The following ZNF439 variants were observed in gnomAD, a reference collection of about 807,000 sequenced individuals.
ZNF439 encodes the protein zinc finger protein 439.
Under a neutral mutation model 47.3 loss-of-function variants are expected in ZNF439, and 40 were observed. That is an observed-to-expected ratio of 0.85 (90% CI 0.66 to 1.10). The LOEUF is 1.10. ZNF439 is among the 50% of genes least tolerant of loss of function. The pLI is 0.00. For synonymous variants in ZNF439, 171 were observed against 198.8 expected, an observed-to-expected ratio of 0.86 and a Z score of 1.18; for missense variants, 556 against 601.1, an observed-to-expected ratio of 0.93 and a Z score of 0.78.
Position 11,868,719 on chromosome 19 carries a change from G to GT in ZNF439, c.*150_*151insT. 1.2e-6 allele frequency: 1 copy of GT among 867,722 alleles called. No individual in the cohort carries two copies. Among genetic ancestry groups the GT allele is most frequent in the Non-Finnish European group, 1.8e-6 (1 of 543,222 alleles). 53.8% of individuals were successfully genotyped at this position (867,722 alleles called of 1,614,324 possible). ...TTCGATATCTAAAAGGACTCACAGT[G>GT]GAGAAAAACTCTATGAGTGTAAGCA... is the stretch of plus-strand genomic sequence containing the variant. On this transcript the variant is annotated 3_prime_UTR_variant, in exon 4 of 4. Transcript: ENST00000682736.
intron 1 of ZNF439, among the ~76,000 whole-genome samples, chr19:11,862,721 G>T (rs1056820987): frequency 2.6e-5 from 4 of 151,688 alleles, no homozygotes; most frequent in African/African-American, 9.7e-5. Flanking sequence ...GGTATTTACT[G>T]TTACCTCATT....
chr19:11,852,402 G>T (rs893307770), intron 1 of ZNF439, among the ~76,000 whole-genome samples: 1 of 152,238 alleles, frequency 6.6e-6, no homozygotes, highest in East Asian at 1.9e-4. Flanking sequence ...AGGTGTTCCA[G>T]CTGGCTATTT....
chr19:11,857,493 C>T lies in ZNF439; in HGVS notation c.63+8563C>T, dbSNP rs141723349. 2.3e-4 allele frequency: 35 copies of T among 152,336 alleles called. No homozygotes were observed. In the East Asian group the frequency reaches 5.2e-3, roughly 23 times the overall value. The allele number at this position is 152,336 out of a possible 1,614,324, so 9.4% of individuals were successfully genotyped here. A position where few individuals can be genotyped will look rare whatever the true frequency, so the allele number is the denominator to read the frequency against. On this transcript the variant is annotated intron_variant, in intron 1 of 3. Coordinates refer to ENST00000682736, the MANE Select transcript of ZNF439 (RefSeq NM_001348719.2). ...TTACTGATACAGACTTGTCTAAGCA[C>T]TGGCCCAGGAGTCCTGTTGGAGAAT...
intron 1 of ZNF439, chr19:11,849,168 G>A (rs1233633595): frequency 2.8e-6 from 3 of 1,083,246 alleles, no homozygotes; most frequent in African/African-American, 1.7e-5. Flanking sequence ...GCAGCTCCGC[G>A]CCCGCAGCCC....
intron 1 of ZNF439, among the ~76,000 whole-genome samples, chr19:11,863,307 C>T (rs758069506): frequency 5.3e-5 from 8 of 151,892 alleles, no homozygotes; most frequent in Non-Finnish European, 1.2e-4. Context: ...ATTACAGGCT[C>T]ATGCCACCAC....
intron 1 of ZNF439, among the ~76,000 whole-genome samples, chr19:11,861,519 A>T (rs1976540521): frequency 6.6e-6 from 1 of 152,128 alleles, no homozygotes; most frequent in South Asian, 2.1e-4. Context: ...CTTCATCTAG[A>T]TAACCAATTC....
At chr19:11,865,658 G>A (rs1202523278) in intron 1 of ZNF439, among the ~76,000 whole-genome samples, 1 of 132,994 alleles carries the variant, frequency 7.5e-6, no homozygotes, top group Non-Finnish European at 1.5e-5. Context: ...CAGACCCACA[G>A]TCCAAGGAGA....
rs1205813727 is a variant in ZNF439 at position 11,848,945 on chromosome 19, C to G, written c.63+15C>G. 1.9e-6 allele frequency: 3 copies of G among 1,552,184 alleles called. No individual in the cohort carries two copies. On this transcript the variant is annotated intron_variant, in intron 1 of 3. Transcript: ENST00000682736. ...GCCGGGAAATGGTGCGTGTGCTGGCCGGGAGTGGTGCGATGGGGGAGGGGC... is the reference window on the plus strand; with the variant it reads ...GCCGGGAAATGGTGCGTGTGCTGGCGGGGAGTGGTGCGATGGGGGAGGGGC...
chr19:11,850,664 A>G (rs1002065448), intron 1 of ZNF439: 2 of 152,220 alleles, frequency 1.3e-5, no homozygotes, highest in Admixed American at 1.3e-4. Context: ...TCAGACCCCA[A>G]GAGAGTTCTT....
intron 1 of ZNF439, 110 bp from the exon 2 acceptor site, chr19:11,866,095 G>T: frequency 1.3e-6 from 2 of 1,560,666 alleles, no homozygotes; most frequent in South Asian, 1.2e-5. Context: ...CCAAAGCAGG[G>T]AATAAATGTT....
chr19:11,850,529 G>A (rs1976207621), intron 1 of ZNF439: 1 of 152,116 alleles, frequency 6.6e-6, no homozygotes, highest in African/African-American at 2.4e-5. Context: ...TCAGATTTCA[G>A]TTGGAAGAGT....
At chr19:11,864,019 T>G (rs1976608756) in intron 1 of ZNF439, among the ~76,000 whole-genome samples, 1 of 152,150 alleles carries the variant, frequency 6.6e-6, no homozygotes, top group South Asian at 2.1e-4. Context: ...TATAGTAGAT[T>G]TTTCTATGTT....
Position 11,869,052 on chromosome 19 carries a change from A to G in ZNF439, c.*483A>G. 1 of 253,366 alleles carries G rather than the reference A, an allele frequency of 3.9e-6. No homozygotes were observed. The allele number at this position is 253,366 out of a possible 1,614,324, so 15.7% of individuals were successfully genotyped here. A position where few individuals can be genotyped will look rare whatever the true frequency, so the allele number is the denominator to read the frequency against. On this transcript the variant is annotated 3_prime_UTR_variant, in exon 4 of 4. Transcript: ENST00000682736. ...GCATATACATGAAAGGACTCATACG[A>G]GAGAGAATCCGTATGAATGTAAGGA... is the stretch of plus-strand genomic sequence containing the variant.
At chr19:11,855,070 A>G (rs1432201049) in intron 1 of ZNF439, among the ~76,000 whole-genome samples, 1 of 152,182 alleles carries the variant, frequency 6.6e-6, no homozygotes, top group African/African-American at 2.4e-5. Flanking sequence ...GGATAATGCC[A>G]CTGAGGAAGA....
At chr19:11,866,010 T>C in intron 1 of ZNF439, 195 bp from the exon 2 acceptor site, 1 of 1,407,810 alleles carries the variant, frequency 7.1e-7, no homozygotes, top group Non-Finnish European at 9.2e-7. Context: ...AGTGAAATTC[T>C]GTCTCAAAAA....
At position 11,868,139 on chromosome 19, in the gene ZNF439, A is replaced by G; in HGVS notation, c.1085A>G (p.Lys362Arg). The change falls in exon 4 of 4, where the codon AAG (lysine) becomes AGG (arginine). Residue 362 changes from lysine to arginine, a missense_variant. Transcript: ENST00000682736. ...TCTGGAGAAAGACCTTATGAATGTA[A>G]GACATGTGGGAAAGGCTTTTATTCT... ...MHSGERPYECKTCGKGFYSAK... is the reference protein window; with the variant it reads ...MHSGERPYECRTCGKGFYSAK... The G allele has an allele frequency of 6.2e-7, 1 of 1,614,184 alleles. No homozygotes were observed. The highest frequency in any genetic ancestry group is 8.5e-7 in the Non-Finnish European group (1 of 1,180,034).
At chr19:11,860,575 A>G (rs1568257208) in intron 1 of ZNF439, among the ~76,000 whole-genome samples, 1 of 152,142 alleles carries the variant, frequency 6.6e-6, no homozygotes, top group Non-Finnish European at 1.5e-5. Flanking sequence ...CATGAACCCT[A>G]CTATACTGAA....
intron 3 of ZNF439, 101 bp downstream of exon 3, chr19:11,866,698 A>AG (rs1976694790): frequency 8.0e-7 from 1 of 1,251,672 alleles, no homozygotes; most frequent in Non-Finnish European, 1.1e-6. Context: ...TCCAGGATCA[A>AG]GTTCATTTAT....
At chr19:11,858,682 C>T (rs933421540) in intron 1 of ZNF439, among the ~76,000 whole-genome samples, 1 of 152,110 alleles carries the variant, frequency 6.6e-6, no homozygotes, top group Non-Finnish European at 1.5e-5. Context: ...TGGCCTGCAT[C>T]CAGTTGCTCT....
Sources: gnomAD v4.1 joint callset for allele counts (sites outside exome capture counted in the v4.1 genomes callset) on GRCh38, gnomAD v4.1.1 for gene constraint, MANE v1.5 for transcripts, NCBI Gene and HGNC (gene_info 2026-07-23, HGNC 2026-07-21) for gene names.